The following SLC19A1 variants were observed in gnomAD, a reference collection of about 807,000 sequenced individuals.
SLC19A1 encodes the protein solute carrier family 19 member 1, also known as reduced folate transporter.
SLC19A1 carries 37 observed loss-of-function variants against 35.3 expected under a neutral mutation model. The observed-to-expected ratio is 1.05, with a 90% CI of 0.81 to 1.38. The LOEUF is 1.38. Ranked by LOEUF, SLC19A1 falls within the 40% of genes most tolerant of loss-of-function variation. The pLI, the probability that SLC19A1 is intolerant of heterozygous loss-of-function variation, is 0.00. For synonymous variants in SLC19A1, 460 were observed against 398.5 expected, an observed-to-expected ratio of 1.15 and a Z score of -1.84; for missense variants, 831 against 826.9, an observed-to-expected ratio of 1.00 and a Z score of -0.06.
chr21:45,537,200 C>T (rs1181037698), intron 2 of SLC19A1, among the ~76,000 whole-genome samples: 1 of 152,168 alleles, frequency 6.6e-6, no homozygotes, highest in Non-Finnish European at 1.5e-5. Flanking sequence ...CTCTGCAGGA[C>T]ACAATATCAC....
In SLC19A1 at chr21:45,505,236, G is replaced by A; in HGVS notation, c.498-6624C>T. 3.1e-6 allele frequency: 5 copies of A among 1,587,416 alleles called. No homozygotes were observed. Among genetic ancestry groups the A allele is most frequent in the Non-Finnish European group, 4.3e-6 (5 of 1,171,432 alleles). On this transcript the variant is annotated intron_variant, in intron 3 of 4. Coordinates refer to the SLC19A1 transcript ENST00000417954. ...GCGCCAGGGCCCTCCCGGCCCCCCAGGCCCCCCAGGGCCCCCTTCATTTCC... is the reference window on the plus strand; with the variant it reads ...GCGCCAGGGCCCTCCCGGCCCCCCAAGCCCCCCAGGGCCCCCTTCATTTCC...
At chr21:45,558,862 G>A (rs1292517412) in intron 1 of SLC19A1, among the ~76,000 whole-genome samples, 1 of 150,332 alleles carries the variant, frequency 6.7e-6, no homozygotes, top group Non-Finnish European at 1.5e-5. Flanking sequence ...AGGCTGGAGT[G>A]CAATGCTGCA....
At position 45,512,599 on chromosome 21, in the gene SLC19A1, T is replaced by C. The variant is rs905539295; in HGVS notation, c.*3059A>G. The C allele has an allele frequency of 2.2e-5, 14 of 623,702 alleles. No homozygotes were observed. Among genetic ancestry groups the C allele is most frequent in the African/African-American group, 2.2e-4 (12 of 54,230 alleles). The allele number at this position is 623,702 out of a possible 1,614,324, so 38.6% of individuals were successfully genotyped here. A position where few individuals can be genotyped will look rare whatever the true frequency, so the allele number is the denominator to read the frequency against. ...TTAAAAGTTTAAAACAGAAGCCTGA[T>C]GCTGACATTCACCTGCCCCAACTCT... On this transcript the variant is annotated 3_prime_UTR_variant, in exon 6 of 6. Coordinates refer to ENST00000311124, the MANE Select transcript of SLC19A1 (RefSeq NM_194255.4).
upstream of SLC19A1, chr21:45,544,117 C>T (rs530840144): frequency 1.3e-5 from 2 of 152,362 alleles, no homozygotes; most frequent in Non-Finnish European, 2.9e-5. Context: ...CCGCAGGACC[C>T]ACAAAGACCA....
chr21:45,537,673 G>T (rs1471806017), intron 2 of SLC19A1, 98 bp downstream of exon 2: 1 of 1,117,942 alleles, frequency 8.9e-7, no homozygotes, highest in Non-Finnish European at 1.2e-6. Context: ...ACCCACTGGC[G>T]GCCGCCCCCG....
intron 1 of SLC19A1, among the ~76,000 whole-genome samples, chr21:45,562,324 G>A (rs769207532): frequency 5.9e-5 from 9 of 151,986 alleles, no homozygotes; most frequent in Non-Finnish European, 1.0e-4. Flanking sequence ...TCACCACATC[G>A]GCATCGTAAA....
chr21:45,526,432 T>C (rs569828289), intron 4 of SLC19A1, among the ~76,000 whole-genome samples: 2 of 152,350 alleles, frequency 1.3e-5, no homozygotes, highest in East Asian at 3.9e-4. Flanking sequence ...GGCCTCACCC[T>C]GAGTTCTGGA....
chr21:45,535,164 TG>T (rs895940511), intron 2 of SLC19A1, among the ~76,000 whole-genome samples: 116 of 152,194 alleles, frequency 7.6e-4, no homozygotes, highest in African/African-American at 2.7e-3. Flanking sequence ...CACAGGGTCC[TG>T]GGCCGGGGGG....
In SLC19A1 at chr21:45,534,389, T is replaced by G; in HGVS notation, c.190-2241A>C. 1.6e-6 allele frequency: 1 copy of G among 644,032 alleles called. No individual in the cohort carries two copies. Among genetic ancestry groups the G allele is most frequent in the South Asian group, 1.9e-5 (1 of 52,102 alleles). 39.9% of individuals were successfully genotyped at this position (644,032 alleles called of 1,614,324 possible). ...CGACCCCCAGACACAGGAGGCTGCGTGGGGGCATGACAGCCCCAGCCCCTG... is the reference window on the plus strand; with the variant it reads ...CGACCCCCAGACACAGGAGGCTGCGGGGGGGCATGACAGCCCCAGCCCCTG... On this transcript the variant is annotated intron_variant, in intron 2 of 5. Coordinates refer to ENST00000311124, the MANE Select transcript of SLC19A1 (RefSeq NM_194255.4). This position sits in a 1 kb window ranked among gnomAD's most constrained non-coding sequence, Gnocchi z 4.2.
chr21:45,510,963 ACACCCCCAAACACCC>A (rs2146135227), downstream of SLC19A1: 5 of 48,740 alleles, frequency 1.0e-4, no homozygotes, highest in African/African-American at 3.4e-4. Flanking sequence ...CACCCCACAT[ACACCCCCAAACACCC>A]CCCACACCCC....
chr21:45,507,361 T>A, intron 3 of SLC19A1: 1 of 639,532 alleles, frequency 1.6e-6, no homozygotes, highest in Non-Finnish European at 2.8e-6. Context: ...GGCACCCTGC[T>A]GTGGACTGGG....
intron 4 of SLC19A1, among the ~76,000 whole-genome samples, chr21:45,529,835 C>T (rs931698725): frequency 1.1e-4 from 14 of 129,384 alleles, no homozygotes; most frequent in African/African-American, 4.2e-4. Context: ...TGTGGTGTGT[C>T]TGTGTGGTGT....
In SLC19A1 at chr21:45,514,850, G is replaced by T; in HGVS notation, c.*808C>A. ...GTACTTCCCCAGCGCCCACCACAAA[G>T]GCAGCCCCCCCAAGGCTGCCCAGCC... is the stretch of plus-strand genomic sequence containing the variant. On this transcript the variant is annotated 3_prime_UTR_variant, in exon 6 of 6. Coordinates refer to ENST00000311124, the MANE Select transcript of SLC19A1 (RefSeq NM_194255.4). The T allele has an allele frequency of 2.9e-6, 2 of 680,148 alleles. No individual in the cohort carries two copies. The highest frequency in any genetic ancestry group is 2.3e-6 in the Non-Finnish European group (1 of 429,140). The allele number at this position is 680,148 out of a possible 1,614,324, so 42.1% of individuals were successfully genotyped here. A position where few individuals can be genotyped will look rare whatever the true frequency, so the allele number is the denominator to read the frequency against.
rs1480070261 is a variant in SLC19A1, at chr21:45,537,819, G to A, written c.141C>T (p.Phe47=). ...FMAQIRPGES[F]ITPYLLGPDK... is the part of the protein sequence containing the mutation. ...CGGGCCCCAGGAGGTAGGGGGTGAT[G>A]AAGCTCTCCCCTGGCCGTATCTGCG... Residue 47 remains phenylalanine (F), a synonymous_variant, in exon 2 of 6, where the codon TTC becomes TTT. Transcript: ENST00000311124. The A allele has an allele frequency of 1.3e-6, 2 of 1,598,136 alleles. No homozygotes were observed. Among genetic ancestry groups the A allele is most frequent in the South Asian group, 1.1e-5 (1 of 89,558 alleles).
intron 1 of SLC19A1, among the ~76,000 whole-genome samples, chr21:45,556,827 G>T (rs1050621472): frequency 6.6e-6 from 1 of 152,226 alleles, no homozygotes; most frequent in Non-Finnish European, 1.5e-5. Flanking sequence ...GGTGGCATGG[G>T]AGTCCTGTGG....
At chr21:45,555,148 T>A (rs373265868) in intron 1 of SLC19A1, among the ~76,000 whole-genome samples, 1 of 64,104 alleles carries the variant, frequency 1.6e-5, no homozygotes, top group Non-Finnish European at 3.0e-5. Context: ...CAGGGGGCGG[T>A]GCAGGGGGCG....
At chr21:45,504,319 A>G in intron 3 of SLC19A1, 1 of 1,283,144 alleles carries the variant, frequency 7.8e-7, no homozygotes, top group Non-Finnish European at 1.1e-6. Flanking sequence ...GGGCTCCGGA[A>G]GCTTCTGACT....
At position 45,533,803 on chromosome 21, in the gene SLC19A1, CG is replaced by C. The variant is rs1035174109; in HGVS notation, c.190-1656del. ...GCTGCGCCGAGCCACGCCGCCTCCC[CG>C]GGGGCTCTCAGCCTCGTGTCTGGCA... On this transcript the variant is annotated intron_variant, in intron 2 of 5. Transcript: ENST00000311124. The surrounding 1 kb of genome is among the most constrained non-coding windows in gnomAD (Gnocchi z 4.5). Among the ~76,000 whole-genome samples, 15 of 152,286 alleles carry C rather than the reference CG, an allele frequency of 9.8e-5. No homozygotes were observed. Among genetic ancestry groups the C allele is most frequent in the Admixed American group, 4.6e-4 (7 of 15,308 alleles).
intron 5 of SLC19A1, among the ~76,000 whole-genome samples, chr21:45,523,751 G>A (rs886072126): frequency 1.3e-5 from 2 of 152,196 alleles, no homozygotes; most frequent in Non-Finnish European, 1.5e-5. Flanking sequence ...AGCCTGGCTG[G>A]GGCCACACAG....
Sources: allele counts gnomAD v4.1 joint callset (sites outside exome capture counted in the v4.1 genomes callset), GRCh38; gene constraint gnomAD v4.1.1; non-coding constraint Gnocchi (gnomAD v3.1); transcripts MANE v1.5; gene names NCBI Gene and HGNC (gene_info 2026-07-23, HGNC 2026-07-21).